The following AKAP12 variants were observed in gnomAD, a reference collection of about 807,000 sequenced individuals.
AKAP12 encodes A-kinase anchoring protein 12.
In AKAP12, 32 loss-of-function variants were observed where a neutral mutation model predicts 79.9. The ratio of observed to expected loss-of-function variants is 0.40; its 90% CI spans 0.30 to 0.54. The LOEUF (loss-of-function observed/expected upper bound fraction) is 0.54, where lower values mean the gene tolerates loss of function less well. Ranked by LOEUF, AKAP12 falls within the 20% of genes least tolerant of loss-of-function variation. The pLI is 0.48. For missense variants in AKAP12, 2,074 were observed against 2,177.0 expected, an observed-to-expected ratio of 0.95 and a Z score of 0.94; for synonymous variants, 808 against 857.0, an observed-to-expected ratio of 0.94 and a Z score of 1.00.
In AKAP12 at chr6:151,351,821, T is replaced by C; in HGVS notation, c.3430T>C (p.Leu1144=). 6.2e-7 allele frequency: 1 copy of C among 1,613,850 alleles called. No homozygotes were observed. Among genetic ancestry groups the C allele is most frequent in the South Asian group, 1.1e-5 (1 of 91,046 alleles). The change falls in exon 4 of 5, where the codon TTA becomes CTA. Residue 1144 remains leucine (L), a synonymous_variant. Transcript: ENST00000402676. This position sits in a 1 kb window ranked among gnomAD's most constrained non-coding sequence, Gnocchi z 4.4. Reference sequence around the variant, plus strand: ...TGTAACCACTTGTCAAGCCGAAACCTTAGCTGGGGTAAAATCACAGGAGAT... The same window carrying C: ...TGTAACCACTTGTCAAGCCGAAACCCTAGCTGGGGTAAAATCACAGGAGAT... ...ELVTTCQAET[L]AGVKSQEMVM... is the part of the protein sequence containing the mutation.
chr6:151,342,089 T>TG (rs1777967561), intron 3 of AKAP12, among the ~76,000 whole-genome samples: 1 of 152,142 alleles, frequency 6.6e-6, no homozygotes, highest in South Asian at 2.1e-4. Context: ...TGCGGTCAGC[T>TG]GGGGAGGTGG....
chr6:151,318,860 T>G lies in AKAP12; in HGVS notation c.319+12957T>G, dbSNP rs1194889211. 2.0e-5 allele frequency among the ~76,000 whole-genome samples: 3 copies of G among 152,322 alleles called. No individual in the cohort carries two copies. The East Asian group carries it at 5.8e-4, about 29-fold the overall frequency. On this transcript the variant is annotated intron_variant, in intron 3 of 4. Transcript: ENST00000402676. Reference sequence around the variant, plus strand: ...CCAGAGGCTCAGGCAGGAGAATCGCTTGAGCCCAGGAGGTTGAGGTTACAA... The same window carrying G: ...CCAGAGGCTCAGGCAGGAGAATCGCGTGAGCCCAGGAGGTTGAGGTTACAA...
At chr6:151,312,556 C>T (rs1777129795) in intron 3 of AKAP12, among the ~76,000 whole-genome samples, 1 of 152,004 alleles carries the variant, frequency 6.6e-6, no homozygotes, top group Non-Finnish European at 1.5e-5. Flanking sequence ...CTTTGGGAGG[C>T]CGAGGTGGGC....
intron 2 of AKAP12, among the ~76,000 whole-genome samples, chr6:151,244,566 C>A (rs1797035464): frequency 1.3e-5 from 2 of 152,016 alleles, no homozygotes; most frequent in African/African-American, 4.8e-5. Context: ...ACAATTGAGG[C>A]GGCCAGCTGC....
At position 151,352,691 on chromosome 6, in the gene AKAP12, A is replaced by G. The variant is rs1778329680; in HGVS notation, c.4300A>G (p.Thr1434Ala). Residue 1434 changes from threonine (T) to alanine (A), a missense_variant, in exon 4 of 5, where the codon ACT becomes GCT. Physicochemically the swap from Thr to Ala is moderately conservative, Grantham distance 58. Transcript: ENST00000402676. ...AAEEEKVLGE[T>A]ANILETGETL... ...AGAGGAGGAAAAGGTCTTAGGAGAA[A>G]CTGCCAACATTTTAGAAACAGGTGA... The G allele has an allele frequency of 9.3e-6, 15 of 1,614,104 alleles. No homozygotes were observed. The highest frequency in any genetic ancestry group is 1.3e-5 in the Non-Finnish European group (15 of 1,180,042).
At chr6:151,244,452 A>G (rs2114674311) in intron 2 of AKAP12, among the ~76,000 whole-genome samples, 1 of 152,288 alleles carries the variant, frequency 6.6e-6, no homozygotes, top group Non-Finnish European at 1.5e-5. Flanking sequence ...TGAACTCGGG[A>G]AGCGGAGTTT....
intron 2 of AKAP12, among the ~76,000 whole-genome samples, chr6:151,256,712 C>T (rs758845221): frequency 1.8e-4 from 28 of 151,788 alleles, no homozygotes; most frequent in African/African-American, 5.3e-4. Context: ...TGCAGTGACG[C>T]GATCTCGGCT....
chr6:151,319,263 G>A (rs1038403083), intron 3 of AKAP12, among the ~76,000 whole-genome samples: 5 of 151,934 alleles, frequency 3.3e-5, no homozygotes, highest in African/African-American at 4.8e-5. Context: ...AACATGTCCA[G>A]TTCAACTGGA....
Position 151,310,199 on chromosome 6 carries a change from C to T in AKAP12, c.319+4296C>T, listed in dbSNP as rs77424211. Among the ~76,000 whole-genome samples the T allele has an allele frequency of 2.1e-4, 32 of 152,026 alleles. No individual in the cohort carries two copies. The East Asian group carries it at 6.0e-3, about 29-fold the overall frequency. On this transcript the variant is annotated intron_variant, in intron 3 of 4. Transcript: ENST00000402676. ...CCAACATGGTGAAACCCCGTCTCTACTAAAAATACAAAAAATTAGCTGGGC... is the reference window on the plus strand; with the variant it reads ...CCAACATGGTGAAACCCCGTCTCTATTAAAAATACAAAAAATTAGCTGGGC...
At chr6:151,331,181 A>T (rs983235096) in intron 3 of AKAP12, among the ~76,000 whole-genome samples, 3 of 152,200 alleles carry the variant, frequency 2.0e-5, no homozygotes, top group Non-Finnish European at 4.4e-5. Flanking sequence ...TACATCACTA[A>T]AGATGTAACT....
intron 2 of AKAP12, among the ~76,000 whole-genome samples, chr6:151,249,699 T>TA (rs1374034231): frequency 6.6e-6 from 1 of 152,276 alleles, no homozygotes; most frequent in African/African-American, 2.4e-5. Flanking sequence ...TACCTCTTGT[T>TA]AAAACTCAAG....
chr6:151,298,146 T>A (rs1171919882), intron 2 of AKAP12, among the ~76,000 whole-genome samples: 1 of 152,262 alleles, frequency 6.6e-6, no homozygotes, highest in South Asian at 2.1e-4. Flanking sequence ...ATGCTTTCTA[T>A]AGTTTAAAAA....
At chr6:151,278,661 C>T (rs538902520) in intron 2 of AKAP12, among the ~76,000 whole-genome samples, 4 of 151,586 alleles carry the variant, frequency 2.6e-5, no homozygotes, top group Non-Finnish European at 4.4e-5. Context: ...AATTAATGAA[C>T]GGTAGTGTCT....
chr6:151,264,925 G>A (rs1359521459), intron 2 of AKAP12, among the ~76,000 whole-genome samples: 1 of 152,056 alleles, frequency 6.6e-6, no homozygotes, highest in African/African-American at 2.4e-5. Context: ...GCTGAGGTGG[G>A]CAGATCACCT....
intron 3 of AKAP12, among the ~76,000 whole-genome samples, chr6:151,332,640 C>T (rs1283726628): frequency 1.3e-5 from 2 of 152,300 alleles, no homozygotes; most frequent in South Asian, 2.1e-4. Context: ...CTGTATCACA[C>T]ATGGGTATGT....
chr6:151,353,673 C>T lies in AKAP12; in HGVS notation c.5282C>T (p.Pro1761Leu), dbSNP rs1158346634. 2.5e-6 allele frequency: 4 copies of T among 1,613,244 alleles called. No homozygotes were observed. Among genetic ancestry groups the T allele is most frequent in the South Asian group, 2.2e-5 (2 of 90,936 alleles). Residue 1761 changes from proline (P) to leucine (L), a missense_variant, in exon 4 of 5, where the codon CCC becomes CTC. By Grantham distance (98) the Pro-to-Leu change is moderately conservative. Transcript: ENST00000402676. ...AGTGAATCAGATAAAGCGATCACAC[C>T]CCAAGCACAGGAGGAGTTACAGAAA... ...VHSESDKAIT[P>L]QAQEELQKQE...
At chr6:151,268,506 T>C (rs942238775) in intron 2 of AKAP12, among the ~76,000 whole-genome samples, 2 of 152,218 alleles carry the variant, frequency 1.3e-5, no homozygotes, top group Non-Finnish European at 2.9e-5. Context: ...TATATAAAAC[T>C]AGATTTAGCA....
chr6:151,326,029 T>C, intron 3 of AKAP12: 1 of 1,149,618 alleles, frequency 8.7e-7, no homozygotes, highest in Non-Finnish European at 1.3e-6. Context: ...TTTCTCTCCG[T>C]GTACTGAGTT....
At chr6:151,304,419 C>G (rs9371211) in intron 2 of AKAP12, among the ~76,000 whole-genome samples, 52,435 of 137,460 alleles carry the variant, frequency 0.38, 9,789 homozygotes, top group East Asian at 0.5. Context: ...AACCTGGGAA[C>G]TGGAGGTTGC....
Sources: gnomAD v4.1 joint callset for allele counts (sites outside exome capture counted in the v4.1 genomes callset) on GRCh38, gnomAD v4.1.1 for gene constraint, Gnocchi (gnomAD v3.1) non-coding constraint, MANE v1.5 for transcripts, NCBI Gene and HGNC (gene_info 2026-07-23, HGNC 2026-07-21) for gene names.